Variants in MARCHF1 observed in about 807,000 individuals in gnomAD.
The protein encoded by MARCHF1 is membrane associated ring-CH-type finger 1, also known as E3 ubiquitin-protein ligase MARCHF1.
MARCHF1 carries 40 observed loss-of-function variants against 54.2 expected under a neutral mutation model. The ratio of observed to expected loss-of-function variants is 0.74; its 90% CI spans 0.57 to 0.96. MARCHF1 has a LOEUF of 0.96. Ranked by LOEUF, MARCHF1 falls within the 40% of genes least tolerant of loss-of-function variation. The pLI is 0.00. For synonymous variants in MARCHF1, 236 were observed against 236.3 expected (o/e 1.00, Z 0.01); for missense variants, 586 against 656.5 (o/e 0.89, Z 1.17).
chr4:164,152,365 C>T (rs761725163), intron 1 of MARCHF1, among the ~76,000 whole-genome samples: 4 of 152,198 alleles, frequency 2.6e-5, no homozygotes, highest in Non-Finnish European at 4.4e-5. Context: ...GACTAAGCTC[C>T]GATTTTTTAT....
chr4:163,892,590 AAAAAATAAAAAT>A (rs552351060), intron 3 of MARCHF1, among the ~76,000 whole-genome samples: 4 of 151,332 alleles, frequency 2.6e-5, no homozygotes, highest in African/African-American at 4.8e-5. Flanking sequence ...AAAGTATAAT[AAAAAATAAAAAT>A]AAAAATAAAA....
chr4:163,779,282 T>C (rs569033951), intron 4 of MARCHF1, among the ~76,000 whole-genome samples: 1 of 152,248 alleles, frequency 6.6e-6, no homozygotes, highest in South Asian at 2.1e-4. Flanking sequence ...ATATAAAAAA[T>C]TGGAGTGTTA....
At chr4:163,592,884 C>A (rs1740638184) in intron 7 of MARCHF1, among the ~76,000 whole-genome samples, 1 of 152,038 alleles carries the variant, frequency 6.6e-6, no homozygotes, top group African/African-American at 2.4e-5. Context: ...TCCCCCATTC[C>A]CTCTATTGAT....
In MARCHF1 at chr4:164,030,353, C is replaced by T. The variant is rs746491158; in HGVS notation, c.-247-41644G>A. On this transcript the variant is annotated intron_variant, in intron 2 of 9. Coordinates refer to ENST00000514618, the MANE Select transcript of MARCHF1 (RefSeq NM_001394959.1). ...CTTTTAACATTCAAAAATGAAGAAG[C>T]ATTTTTAATATTCTTCTTAAAAATG... Among the ~76,000 whole-genome samples, 9 of 151,954 alleles carry T rather than the reference C, an allele frequency of 5.9e-5. No individual in the cohort carries two copies. In the South Asian group the frequency reaches 1.0e-3, roughly 18 times the overall value.
At chr4:163,609,075 C>T (rs1260766795) in intron 7 of MARCHF1, among the ~76,000 whole-genome samples, 1 of 151,990 alleles carries the variant, frequency 6.6e-6, no homozygotes, top group Non-Finnish European at 1.5e-5. Flanking sequence ...GTACCTTGTG[C>T]TAATACATTG....
At chr4:164,116,259 C>G (rs561456871) in intron 1 of MARCHF1, among the ~76,000 whole-genome samples, 1 of 152,206 alleles carries the variant, frequency 6.6e-6, no homozygotes, top group South Asian at 2.1e-4. Context: ...AAATAGCATA[C>G]TTTCCAAAAT....
intron 1 of MARCHF1, among the ~76,000 whole-genome samples, chr4:164,225,221 C>T (rs6831974): frequency 0.93 from 141,654 of 152,168 alleles, 65,988 homozygotes; most frequent in African/African-American, 0.96. Context: ...TTTTATGAAG[C>T]AGACATTTAG....
At chr4:164,216,927 T>TGAG (rs1217037599) in intron 1 of MARCHF1, among the ~76,000 whole-genome samples, 1 of 152,182 alleles carries the variant, frequency 6.6e-6, no homozygotes, top group Non-Finnish European at 1.5e-5. Flanking sequence ...CTGATTACAA[T>TGAG]GACCAAATTT....
At chr4:164,345,402 T>C (rs1009293548) in intron 1 of MARCHF1, among the ~76,000 whole-genome samples, 3 of 151,810 alleles carry the variant, frequency 2.0e-5, no homozygotes, top group Non-Finnish European at 2.9e-5. Flanking sequence ...CCCTGTCCTA[T>C]CTCTACTAAA....
At chr4:163,585,004 A>G (rs1740361002) in intron 8 of MARCHF1, 1 of 152,200 alleles carries the variant, frequency 6.6e-6, no homozygotes, top group Non-Finnish European at 1.5e-5. Flanking sequence ...TGAATTGTAT[A>G]AGTTCATTGT....
chr4:164,176,941 GCTCTCTCTCTCTCTCT>G (rs57770641), intron 1 of MARCHF1, among the ~76,000 whole-genome samples: 746 of 58,168 alleles, frequency 0.013, 68 homozygotes, highest in Middle Eastern at 0.033. Flanking sequence ...TACCTTGTGC[GCTCTCTCTCTCTCTCT>G]CTCTCTCTCT....
chr4:163,596,846 T>G (rs746248578), intron 7 of MARCHF1, among the ~76,000 whole-genome samples: 7 of 152,214 alleles, frequency 4.6e-5, no homozygotes, highest in African/African-American at 1.4e-4. Flanking sequence ...GTTTTGCCAT[T>G]ACTTTTGCAC....
At chr4:163,549,528 C>A (rs1305287394) in intron 8 of MARCHF1, among the ~76,000 whole-genome samples, 1 of 152,156 alleles carries the variant, frequency 6.6e-6, no homozygotes, top group East Asian at 1.9e-4. Flanking sequence ...TCTTCAAGTT[C>A]TCCTTTATAC....
intron 1 of MARCHF1, among the ~76,000 whole-genome samples, chr4:164,225,870 C>T (rs1732239199): frequency 6.6e-6 from 1 of 151,976 alleles, no homozygotes; most frequent in Admixed American, 6.6e-5. Context: ...TAATGCATTT[C>T]ATAAATGTAA....
intron 4 of MARCHF1, among the ~76,000 whole-genome samples, chr4:163,776,713 T>A (rs1747315497): frequency 6.6e-6 from 1 of 152,152 alleles, no homozygotes; most frequent in Non-Finnish European, 1.5e-5. Context: ...ACACAGAAGA[T>A]ACTCAAGTTA....
intron 1 of MARCHF1, among the ~76,000 whole-genome samples, chr4:164,128,010 T>C (rs991345704): frequency 5.3e-5 from 8 of 152,154 alleles, no homozygotes; most frequent in African/African-American, 1.9e-4. Context: ...TGAATAGACA[T>C]AGAGTAGAAA....
chr4:163,735,029 C>T (rs1320204569), intron 4 of MARCHF1, among the ~76,000 whole-genome samples: 1 of 152,170 alleles, frequency 6.6e-6, no homozygotes, highest in South Asian at 2.1e-4. Flanking sequence ...CCTTTTGACA[C>T]CGAACATAAG....
chr4:163,644,829 G>T (rs1742692432), intron 5 of MARCHF1, among the ~76,000 whole-genome samples: 1 of 152,076 alleles, frequency 6.6e-6, no homozygotes, highest in East Asian at 1.9e-4. Context: ...GCTTAACTTT[G>T]GTCCCACTGT....
intron 1 of MARCHF1, among the ~76,000 whole-genome samples, chr4:164,214,380 G>A (rs891163787): frequency 6.6e-6 from 1 of 151,974 alleles, no homozygotes; most frequent in African/African-American, 2.4e-5. Flanking sequence ...CAATCCATTT[G>A]TCACTATAAA....
Sources: allele counts gnomAD v4.1 joint callset (sites outside exome capture counted in the v4.1 genomes callset), GRCh38; gene constraint gnomAD v4.1.1; transcripts MANE v1.5; gene names NCBI Gene and HGNC (gene_info 2026-07-23, HGNC 2026-07-21).